The following VRK3 variants were observed in gnomAD, a reference collection of about 807,000 sequenced individuals.
The protein encoded by VRK3 is VRK serine/threonine kinase 3.
In VRK3, 50 loss-of-function variants were observed where a neutral mutation model predicts 60.4. That is an observed-to-expected ratio of 0.83 (90% CI 0.66 to 1.05). The LOEUF (loss-of-function observed/expected upper bound fraction) is 1.05. VRK3 is among the 50% of genes least tolerant of loss of function. The pLI is 0.00. For missense variants in VRK3, 549 were observed against 585.3 expected (o/e 0.94, Z 0.64); for synonymous variants, 246 against 227.8 (o/e 1.08, Z -0.72).
At chr19:50,018,994 T>C (rs1291714758) in intron 2 of VRK3, 1 of 150,202 alleles carries the variant, frequency 6.7e-6, no homozygotes, top group Non-Finnish European at 1.5e-5. Context: ...TGAAACCCCA[T>C]CTTTACTAAA....
chr19:49,980,129 T>G (rs545957414), intron 13 of VRK3, among the ~76,000 whole-genome samples: 2 of 152,066 alleles, frequency 1.3e-5, no homozygotes, highest in Admixed American at 1.3e-4. Flanking sequence ...ACAAGCTATC[T>G]GTTTCTGTCT....
intron 12 of VRK3, chr19:49,981,560 C>T: frequency 1.9e-6 from 1 of 519,838 alleles, no homozygotes; most frequent in Non-Finnish European, 2.5e-6. Flanking sequence ...CAAAACAAAA[C>T]AAAACAATAC....
intron 3 of VRK3, among the ~76,000 whole-genome samples, chr19:50,011,878 C>A (rs369683774): frequency 7.2e-5 from 11 of 152,340 alleles, no homozygotes; most frequent in African/African-American, 2.2e-4. Context: ...TTCCTCACTC[C>A]TCCAGTGTGT....
intron 12 of VRK3, among the ~76,000 whole-genome samples, chr19:49,987,139 G>A (rs921503985): frequency 6.6e-5 from 10 of 152,324 alleles, no homozygotes; most frequent in Admixed American, 3.9e-4. Context: ...CTCCCAAAGT[G>A]CTGGGATTAA....
intron 11 of VRK3, 102 bp from the exon 12 acceptor site, chr19:49,988,594 C>A (rs774544942): frequency 6.8e-5 from 98 of 1,446,344 alleles, no homozygotes; most frequent in Non-Finnish European, 8.8e-5. Context: ...CTCAACCACA[C>A]ACTCATACAC....
chr19:49,980,829 T>C, intron 13 of VRK3, 126 bp downstream of exon 13: 1 of 761,252 alleles, frequency 1.3e-6, no homozygotes, highest in East Asian at 2.8e-5. Context: ...AATGGGTACG[T>C]ATTACAAATG....
intron 3 of VRK3, among the ~76,000 whole-genome samples, chr19:50,011,097 G>A (rs578234644): frequency 3.3e-5 from 5 of 152,190 alleles, no homozygotes; most frequent in South Asian, 2.1e-4. Context: ...ATTTCCAATT[G>A]CAACTCCTGT....
intron 12 of VRK3, among the ~76,000 whole-genome samples, chr19:49,985,914 G>A (rs1303212943): frequency 6.6e-6 from 1 of 152,218 alleles, no homozygotes; most frequent in African/African-American, 2.4e-5. Context: ...CCCCTGCTTA[G>A]TAGCTGTGTG....
chr19:49,984,449 T>G (rs918335892), intron 12 of VRK3, among the ~76,000 whole-genome samples: 1 of 152,090 alleles, frequency 6.6e-6, no homozygotes, highest in African/African-American at 2.4e-5. Context: ...GTGCCTCCCC[T>G]CTGCTCCCAC....
At chr19:49,980,337 A>G (rs1318382826) in intron 13 of VRK3, among the ~76,000 whole-genome samples, 2 of 152,180 alleles carry the variant, frequency 1.3e-5, no homozygotes, top group Non-Finnish European at 2.9e-5. Flanking sequence ...GTGCATCTAT[A>G]AGGAAGGGCA....
intron 5 of VRK3, 148 bp from the exon 6 acceptor site, chr19:50,001,002 C>G (rs2076795585): frequency 1.5e-6 from 1 of 654,404 alleles, no homozygotes; most frequent in African/African-American, 1.9e-5. Flanking sequence ...CTTGCTGCTT[C>G]CTAGTTTTAA....
chr19:50,008,138 G>A lies in VRK3; in HGVS notation c.290-312C>T, dbSNP rs79023418. ...CCCAAAAGAGAAAGAGATCCTGCCTGGAGAAGTCAGGGTAGGCTTCCTGGA... is the reference window on the plus strand; with the variant it reads ...CCCAAAAGAGAAAGAGATCCTGCCTAGAGAAGTCAGGGTAGGCTTCCTGGA... On this transcript the variant is annotated intron_variant, in intron 4 of 14. Coordinates refer to ENST00000316763, the MANE Select transcript of VRK3 (RefSeq NM_016440.4). Among the ~76,000 whole-genome samples, 428 of 152,262 alleles carry A rather than the reference G, an allele frequency of 2.8e-3. 3 individuals are homozygous for A. The highest frequency in any genetic ancestry group is 9.9e-3 in the African/African-American group (410 of 41,536).
intron 6 of VRK3, chr19:49,997,798 C>T (rs2076731480): frequency 4.3e-6 from 2 of 470,008 alleles, no homozygotes; most frequent in South Asian, 3.1e-5. Context: ...CCACAGTGTT[C>T]CCTAGAATGT....
At chr19:49,985,488 G>T (rs1431306459) in intron 12 of VRK3, among the ~76,000 whole-genome samples, 2 of 152,130 alleles carry the variant, frequency 1.3e-5, no homozygotes, top group Non-Finnish European at 2.9e-5. Flanking sequence ...AAAGCTTCAT[G>T]GTCCTTCAGG....
intron 1 of VRK3, among the ~76,000 whole-genome samples, chr19:50,024,608 G>C (rs139825477): frequency 1.0e-3 from 153 of 152,212 alleles, no homozygotes; most frequent in African/African-American, 3.5e-3. Context: ...TAATAACCTG[G>C]GCTTGAACAG....
chr19:49,995,382 T>C (rs2076684835), intron 7 of VRK3, 107 bp from the exon 8 acceptor site: 1 of 974,428 alleles, frequency 1.0e-6, no homozygotes. Context: ...CGCCTCCAAG[T>C]CTCCTTGTTG....
In VRK3 at chr19:49,986,024, G is replaced by C. The variant is rs1279913041; in HGVS notation, c.1217+2348C>G. ...AGGGGAAGCACCAGGGGCAGTGCCT[G>C]GCACAGACAAGTGTATAATAAATGT... On this transcript the variant is annotated intron_variant, in intron 12 of 14. Transcript: ENST00000316763. Among the ~76,000 whole-genome samples the C allele has an allele frequency of 1.6e-4, 25 of 152,206 alleles. 1 individual carries two copies. Among genetic ancestry groups the C allele is most frequent in the Admixed American group, 1.6e-3 (25 of 15,282 alleles).
chr19:50,020,823 C>A (rs2077159870), intron 1 of VRK3, among the ~76,000 whole-genome samples, 176 bp from the exon 2 acceptor site: 1 of 152,226 alleles, frequency 6.6e-6, no homozygotes, highest in Non-Finnish European at 1.5e-5. Flanking sequence ...ACTAGGGAAA[C>A]AGCAGCAAAG....
intron 3 of VRK3, among the ~76,000 whole-genome samples, chr19:50,013,934 T>C (rs57368713): frequency 0.053 from 8,003 of 152,118 alleles, 688 homozygotes; most frequent in African/African-American, 0.18. Flanking sequence ...TTAGTAGTGG[T>C]AGGGAAAGTG....
Sources: gnomAD v4.1 joint callset for allele counts (sites outside exome capture counted in the v4.1 genomes callset) on GRCh38, gnomAD v4.1.1 for gene constraint, MANE v1.5 for transcripts, NCBI Gene and HGNC (gene_info 2026-07-23, HGNC 2026-07-21) for gene names.